SH3BP5: variants seen among roughly 807,000 people sequenced by gnomAD.
SH3BP5 encodes SH3 domain-binding protein 5.
SH3BP5 carries 22 observed loss-of-function variants against 43.3 expected under a neutral mutation model. The ratio of observed to expected loss-of-function variants is 0.51; its 90% CI spans 0.36 to 0.73. SH3BP5 has a LOEUF of 0.73. Ranked by LOEUF, SH3BP5 falls within the 30% of genes least tolerant of loss-of-function variation. SH3BP5 has a pLI of 0.00. For missense variants in SH3BP5, 529 were observed against 586.9 expected (o/e 0.90, Z 1.02); for synonymous variants, 255 against 225.8 (o/e 1.13, Z -1.16).
intron 1 of SH3BP5, among the ~76,000 whole-genome samples, chr3:15,339,076 A>G (rs1284617320): frequency 6.6e-6 from 1 of 152,124 alleles, no homozygotes; most frequent in Non-Finnish European, 1.5e-5. Flanking sequence ...CTTCAACAAT[A>G]TTTTTTAACC....
upstream of SH3BP5, among the ~76,000 whole-genome samples, chr3:15,333,897 T>G (rs1698668895): frequency 6.6e-6 from 1 of 152,180 alleles, no homozygotes; most frequent in African/African-American, 2.4e-5. Context: ...TGCTTTTGGT[T>G]TTCCAATGAT....
At chr3:15,294,708 C>CA (rs1014618356) in intron 3 of SH3BP5, among the ~76,000 whole-genome samples, 8 of 151,978 alleles carry the variant, frequency 5.3e-5, no homozygotes, top group African/African-American at 1.7e-4. Context: ...CATTAGCGCT[C>CA]AAAAAATGGC....
chr3:15,323,127 C>CAAATAAATAAAT (rs141252585), intron 2 of SH3BP5, among the ~76,000 whole-genome samples: 18,656 of 146,008 alleles, frequency 0.13, 1,313 homozygotes, highest in Middle Eastern at 0.18. Context: ...GACCCTGTCT[C>CAAATAAATAAAT]AAATAAATAA....
chr3:15,256,226 T>A lies in SH3BP5; in HGVS notation c.1228A>T (p.Ser410Cys). The stretch of plus-strand genomic sequence containing the variant: ...CTTTGGCTCTTACTGCTGCCACCAC[T>A]GCCACTGCTACTGCTGAGGCCCCGG... ...NNRGLSSSSG[S>C]GGSSKSQSST... is the part of the protein sequence containing the mutation. The change falls in exon 9 of 9, where the codon AGT (serine) becomes TGT (cysteine). Residue 410 changes from serine (S) to cysteine (C), a missense_variant. Ser to Cys is a moderately radical substitution (Grantham distance 112). Around this residue, in one of 3 missense-constraint regions of SH3BP5, gnomAD observed 369 missense variants for 384.3 expected, o/e 0.96. Coordinates refer to ENST00000383791, the MANE Select transcript of SH3BP5 (RefSeq NM_004844.5). 1 of 1,614,110 alleles carries A rather than the reference T, an allele frequency of 6.2e-7. No homozygotes were observed. The highest frequency in any genetic ancestry group is 8.5e-7 in the Non-Finnish European group (1 of 1,180,002).
Position 15,256,164 on chromosome 3 carries a change from C to G in SH3BP5, c.1290G>C (p.Arg430=). ...TSPEGQALEN[R]MKQLSLQCSK... ...AGCACTGTAGGGAGAGCTGCTTCAT[C>G]CGGTTCTCCAAGGCCTGGCCCTCAG... is the stretch of plus-strand genomic sequence containing the variant. Residue 430 remains arginine, a synonymous_variant, in exon 9 of 9, where the codon CGG becomes CGC. Coordinates refer to ENST00000383791, the MANE Select transcript of SH3BP5 (RefSeq NM_004844.5). 6.2e-7 allele frequency: 1 copy of G among 1,614,206 alleles called. No individual in the cohort carries two copies. The highest frequency in any genetic ancestry group is 8.5e-7 in the Non-Finnish European group (1 of 1,180,016).
rs554834490 is a variant in SH3BP5 at position 15,258,842 on chromosome 3, T to G, written c.878A>C (p.Asp293Ala). 6.2e-7 allele frequency: 1 copy of G among 1,613,878 alleles called. No individual in the cohort carries two copies. Among genetic ancestry groups the G allele is most frequent in the South Asian group, 1.1e-5 (1 of 91,078 alleles). ...EDLPGSKPEP[D>A]AISVASEAFE... Reference sequence around the variant, plus strand: ...AGCCCCTGACTTACCAGAAATGGCATCAGGCTCAGGTTTGCTCCCTGGCAG... The same window carrying G: ...AGCCCCTGACTTACCAGAAATGGCAGCAGGCTCAGGTTTGCTCCCTGGCAG... Residue 293 changes from aspartate to alanine, a missense_variant, in exon 7 of 9, where the codon GAT becomes GCT. Physicochemically the swap from Asp to Ala is moderately radical, Grantham distance 126. Coordinates refer to ENST00000383791, the MANE Select transcript of SH3BP5 (RefSeq NM_004844.5).
chr3:15,296,291 G>A lies in SH3BP5; in HGVS notation c.330+7812C>T, dbSNP rs951726753. 4.0e-5 allele frequency among the ~76,000 whole-genome samples: 6 copies of A among 151,628 alleles called. No homozygotes were observed. The South Asian group carries it at 1.2e-3, about 31-fold the overall frequency. The stretch of plus-strand genomic sequence containing the variant: ...CTTTTCTTTGCCAATCCCCTGACCT[G>A]CTATAATCCTCCCACAGTCTCACTC... On this transcript the variant is annotated intron_variant, in intron 3 of 8. Coordinates refer to ENST00000383791, the MANE Select transcript of SH3BP5 (RefSeq NM_004844.5).
At chr3:15,294,858 G>A (rs1697525386) in intron 3 of SH3BP5, among the ~76,000 whole-genome samples, 1 of 152,144 alleles carries the variant, frequency 6.6e-6, no homozygotes, top group African/African-American at 2.4e-5. Flanking sequence ...GGCACCCTCA[G>A]CTGTCCATGC....
chr3:15,322,370 C>CT (rs1434793958), intron 2 of SH3BP5, among the ~76,000 whole-genome samples: 1 of 152,084 alleles, frequency 6.6e-6, no homozygotes, highest in Non-Finnish European at 1.5e-5. Context: ...CACACATCAT[C>CT]TTTTTTTAAA....
intron 3 of SH3BP5, among the ~76,000 whole-genome samples, chr3:15,300,086 T>C (rs1575325873): frequency 6.6e-6 from 1 of 152,112 alleles, no homozygotes; most frequent in Non-Finnish European, 1.5e-5. Flanking sequence ...AATGTAACCA[T>C]CAAAAGTGGA....
chr3:15,270,294 G>A (rs1268577885), intron 3 of SH3BP5, among the ~76,000 whole-genome samples: 1 of 152,144 alleles, frequency 6.6e-6, no homozygotes, highest in African/African-American at 2.4e-5. Flanking sequence ...CAGAGATCAT[G>A]GTCCAAAGAC....
intron 2 of SH3BP5, among the ~76,000 whole-genome samples, chr3:15,328,142 C>A (rs1191160619): frequency 1.3e-5 from 2 of 152,066 alleles, no homozygotes; most frequent in East Asian, 1.9e-4. Context: ...GCCCTGGCCA[C>A]CCCCCTCACA....
At chr3:15,278,959 C>T (rs1697045658) in intron 3 of SH3BP5, among the ~76,000 whole-genome samples, 1 of 152,132 alleles carries the variant, frequency 6.6e-6, no homozygotes, top group Non-Finnish European at 1.5e-5. Flanking sequence ...CACCTGAGGT[C>T]AGGAGTTCAA....
chr3:15,314,201 C>T (rs1698130682), intron 2 of SH3BP5, among the ~76,000 whole-genome samples: 2 of 151,862 alleles, frequency 1.3e-5, no homozygotes, highest in South Asian at 4.2e-4. Flanking sequence ...GGCGCGATCT[C>T]GGCTCACTGC....
intron 5 of SH3BP5, 29 bp downstream of exon 5, chr3:15,262,130 G>GC (rs1559425851): frequency 1.2e-6 from 2 of 1,612,742 alleles, no homozygotes; most frequent in Non-Finnish European, 1.7e-6. Context: ...CAGCCGCACG[G>GC]CCCCAGGGAA....
intron 2 of SH3BP5, among the ~76,000 whole-genome samples, chr3:15,326,189 A>G (rs370314869): frequency 1.3e-5 from 2 of 152,204 alleles, no homozygotes; most frequent in Admixed American, 6.5e-5. Flanking sequence ...GGGACCCAGC[A>G]CTGTTCAAAT....
chr3:15,295,684 T>C (rs1437092499), intron 3 of SH3BP5, among the ~76,000 whole-genome samples: 1 of 152,150 alleles, frequency 6.6e-6, no homozygotes, highest in Non-Finnish European at 1.5e-5. Flanking sequence ...AAGAGGAAAT[T>C]TGCCAATCTG....
intron 3 of SH3BP5, among the ~76,000 whole-genome samples, chr3:15,303,818 A>C (rs974493052): frequency 3.9e-5 from 6 of 152,202 alleles, no homozygotes; most frequent in South Asian, 2.1e-4. Flanking sequence ...ACAGGTTGTC[A>C]TTAGGAGCGG....
At chr3:15,306,096 C>T (rs1697896765) in intron 2 of SH3BP5, among the ~76,000 whole-genome samples, 2 of 150,542 alleles carry the variant, frequency 1.3e-5, no homozygotes. Context: ...ATGGCTCATG[C>T]CTGTAATCCC....
Sources: gnomAD v4.1 joint callset for allele counts (sites outside exome capture counted in the v4.1 genomes callset) on GRCh38, gnomAD v4.1.1 for gene constraint, gnomAD v4.1.1 regional missense constraint, MANE v1.5 for transcripts, NCBI Gene and HGNC (gene_info 2026-07-23, HGNC 2026-07-21) for gene names.